The following RIT2 variants were observed in gnomAD, a reference collection of about 807,000 sequenced individuals.
RIT2 encodes GTP-binding protein Rit2.
A neutral mutation model predicts 23.7 loss-of-function variants in RIT2; 24 were observed. The observed-to-expected ratio is 1.01, with a 90% confidence interval of 0.73 to 1.43. RIT2 has a LOEUF of 1.43. RIT2 is among the 40% of genes most tolerant of loss of function. RIT2 has a pLI of 0.00. For synonymous variants in RIT2, 107 were observed against 91.1 expected (o/e 1.17, Z -0.99); for missense variants, 236 against 266.9 (o/e 0.88, Z 0.81).
chr18:42,940,637 T>C (rs1386781379), intron 3 of RIT2, among the ~76,000 whole-genome samples: 1 of 152,012 alleles, frequency 6.6e-6, no homozygotes, highest in East Asian at 1.9e-4. Flanking sequence ...TCATATAAAG[T>C]CCTTAACAAT....
intron 1 of RIT2, among the ~76,000 whole-genome samples, chr18:43,080,245 A>T (rs1386460691): frequency 6.6e-6 from 1 of 152,204 alleles, no homozygotes; most frequent in East Asian, 1.9e-4. Flanking sequence ...CAACCCTGCA[A>T]AGGCAGGCAT....
intron 2 of RIT2, among the ~76,000 whole-genome samples, chr18:42,998,108 C>CT (rs913912972): frequency 4.6e-5 from 7 of 152,074 alleles, no homozygotes; most frequent in African/African-American, 1.7e-4. Context: ...ACACACAGGA[C>CT]TTTTTTGTGT....
chr18:42,837,911 T>C (rs953786795), intron 4 of RIT2, among the ~76,000 whole-genome samples: 8 of 152,150 alleles, frequency 5.3e-5, no homozygotes, highest in Non-Finnish European at 1.2e-4. Flanking sequence ...ACTATAGCAG[T>C]AAAACATGAA....
chr18:43,076,464 A>G (rs1254366857), intron 1 of RIT2, among the ~76,000 whole-genome samples: 1 of 152,188 alleles, frequency 6.6e-6, no homozygotes, highest in Non-Finnish European at 1.5e-5. Context: ...ATCCTGCCTT[A>G]CATAGTTTAT....
chr18:42,979,165 A>G (rs1483019920), intron 2 of RIT2, among the ~76,000 whole-genome samples: 1 of 152,150 alleles, frequency 6.6e-6, no homozygotes, highest in Admixed American at 6.6e-5. Flanking sequence ...TTAATTAAAA[A>G]GTGTAAGGTA....
chr18:42,990,903 A>T (rs1277027272), intron 2 of RIT2, among the ~76,000 whole-genome samples: 1 of 129,134 alleles, frequency 7.7e-6, no homozygotes, highest in Non-Finnish European at 1.6e-5. Flanking sequence ...ATTATGCTAC[A>T]CTGGTTTTGT....
At chr18:42,783,821 A>T (rs936899742) in intron 4 of RIT2, among the ~76,000 whole-genome samples, 1 of 152,096 alleles carries the variant, frequency 6.6e-6, no homozygotes. Context: ...TTTGGTGGAC[A>T]TGAGAGCTGG....
chr18:42,838,234 A>T (rs1242238554), intron 4 of RIT2, among the ~76,000 whole-genome samples: 1 of 151,994 alleles, frequency 6.6e-6, no homozygotes, highest in Non-Finnish European at 1.5e-5. Context: ...ACTGCATAGG[A>T]TTTATGTGAA....
At chr18:42,840,475 C>T (rs1248148821) in intron 4 of RIT2, among the ~76,000 whole-genome samples, 2 of 152,094 alleles carry the variant, frequency 1.3e-5, no homozygotes, top group Non-Finnish European at 2.9e-5. Context: ...CAAGAACTGC[C>T]GTAAGAGTTT....
intron 4 of RIT2, among the ~76,000 whole-genome samples, chr18:42,761,233 C>CT (rs370350060): frequency 1.5e-3 from 232 of 152,182 alleles, no homozygotes; most frequent in African/African-American, 5.2e-3. Flanking sequence ...TTGGACTTGT[C>CT]TTTTTTTGTA....
intron 2 of RIT2, among the ~76,000 whole-genome samples, chr18:42,988,959 C>T (rs1170076009): frequency 6.6e-6 from 1 of 152,090 alleles, no homozygotes; most frequent in Non-Finnish European, 1.5e-5. Context: ...TCTGATTTCT[C>T]CTCAAAACTG....
chr18:43,020,843 C>T (rs910695758), intron 2 of RIT2, among the ~76,000 whole-genome samples: 5 of 152,086 alleles, frequency 3.3e-5, no homozygotes, highest in African/African-American at 1.2e-4. Flanking sequence ...CAGTCTCTCA[C>T]TACATGCACA....
At chr18:42,919,378 G>C (rs1472916931) in intron 4 of RIT2, among the ~76,000 whole-genome samples, 3 of 152,108 alleles carry the variant, frequency 2.0e-5, no homozygotes, top group African/African-American at 4.8e-5. Flanking sequence ...CAATTACACT[G>C]TTGGTACCGA....
chr18:42,962,999 C>T (rs1330764238), intron 3 of RIT2, among the ~76,000 whole-genome samples: 2 of 152,074 alleles, frequency 1.3e-5, no homozygotes, highest in African/African-American at 4.8e-5. Flanking sequence ...TCTCCAGTTG[C>T]TCATTAAAGT....
intron 4 of RIT2, among the ~76,000 whole-genome samples, chr18:42,874,098 C>T (rs1165132051): frequency 6.6e-6 from 1 of 152,114 alleles, no homozygotes; most frequent in Admixed American, 6.6e-5. Context: ...GCTCCCATCC[C>T]TGAATTATTG....
chr18:42,826,693 A>C (rs537390079), intron 4 of RIT2, among the ~76,000 whole-genome samples: 1 of 152,282 alleles, frequency 6.6e-6, no homozygotes, highest in South Asian at 2.1e-4. Context: ...TTATTTACTG[A>C]CAATTTGATA....
At chr18:43,002,810 T>C (rs186462197) in intron 2 of RIT2, among the ~76,000 whole-genome samples, 42 of 151,932 alleles carry the variant, frequency 2.8e-4, no homozygotes, top group African/African-American at 8.7e-4. Context: ...CAAGGGGAAA[T>C]TGAAGTTTTA....
chr18:43,108,555 G>A (rs766765612), intron 1 of RIT2, among the ~76,000 whole-genome samples: 1 of 152,094 alleles, frequency 6.6e-6, no homozygotes, highest in South Asian at 2.1e-4. Flanking sequence ...TTACATGCTC[G>A]TTCATCTCCA....
intron 4 of RIT2, among the ~76,000 whole-genome samples, chr18:42,779,968 C>G (rs1913767814): frequency 7.0e-6 from 1 of 143,092 alleles, no homozygotes; most frequent in Non-Finnish European, 1.5e-5. Context: ...CATTGAGTAA[C>G]TATGATATGA....
Sources: allele counts gnomAD v4.1 joint callset (sites outside exome capture counted in the v4.1 genomes callset), GRCh38; gene constraint gnomAD v4.1.1; transcripts MANE v1.5; gene names NCBI Gene and HGNC (gene_info 2026-07-23, HGNC 2026-07-21).